Variants in ABI2 observed in about 807,000 individuals in gnomAD.
ABI2 encodes the protein abl interactor 2, also known as abelson interactor 2.
ABI2 carries 25 observed loss-of-function variants against 59.2 expected under a neutral mutation model. That is an observed-to-expected ratio of 0.42 (90% CI 0.31 to 0.59). ABI2 has a LOEUF of 0.59. ABI2 is among the 20% of genes least tolerant of loss of function. The pLI is 0.14. For missense variants in ABI2, 545 were observed against 681.8 expected, an observed-to-expected ratio of 0.80 and a Z score of 2.23; for synonymous variants, 213 against 235.5, an observed-to-expected ratio of 0.90 and a Z score of 0.87.
rs374109025 is a variant in ABI2 at position 203,359,211 on chromosome 2, C to T, written c.118-7666C>T. 3.3e-5 allele frequency among the ~76,000 whole-genome samples: 5 copies of T among 152,250 alleles called. No homozygotes were observed. In the East Asian group the frequency reaches 5.8e-4, roughly 18 times the overall value. ...ATGCTTCTGAGACAAATGTGATCTG[C>T]TATGACAGATTAAGGTTTTTTTAAA... On this transcript the variant is annotated intron_variant, in intron 1 of 11. Coordinates refer to ENST00000261018, the MANE Select transcript of ABI2 (RefSeq NM_001375670.1).
chr2:203,366,571 C>T (rs1342007994), intron 1 of ABI2, among the ~76,000 whole-genome samples: 1 of 152,102 alleles, frequency 6.6e-6, no homozygotes, highest in Non-Finnish European at 1.5e-5. Context: ...GCTACCTTTC[C>T]AAGCAATATA....
intron 2 of ABI2, among the ~76,000 whole-genome samples, chr2:203,369,707 T>C (rs962903728): frequency 6.6e-6 from 1 of 152,196 alleles, no homozygotes; most frequent in East Asian, 1.9e-4. Flanking sequence ...CGAACCTTCT[T>C]TTTTCAGAGT....
Position 203,411,437 on chromosome 2 carries a change from T to C in ABI2, c.1279+66T>C. On this transcript the variant is annotated intron_variant, in intron 10 of 11. Transcript: ENST00000261018. Reference sequence around the variant, plus strand: ...GCATAAAATGTCATTTATATGTGATTGACTGGATAGTCATTCATTTGCTGA... The same window carrying C: ...GCATAAAATGTCATTTATATGTGATCGACTGGATAGTCATTCATTTGCTGA... The C allele has an allele frequency of 3.2e-6, 4 of 1,239,318 alleles. No homozygotes were observed. In the Admixed American group the frequency reaches 7.2e-5, roughly 22 times the overall value. The allele number at this position is 1,239,318 out of a possible 1,614,324, so 76.8% of individuals were successfully genotyped here.
chr2:203,402,693 A>C lies in ABI2; in HGVS notation c.1151A>C (p.Gln384Pro). 6.2e-7 allele frequency: 1 copy of C among 1,606,654 alleles called. No homozygotes were observed. The highest frequency in any genetic ancestry group is 2.2e-5 in the East Asian group (1 of 44,530). Residue 384 changes from glutamine to proline, a missense_variant, in exon 9 of 12, where the codon CAG (glutamine) becomes CCG (proline). Physicochemically the swap from Gln to Pro is moderately conservative, Grantham distance 76. Around this residue, in one of 4 missense-constraint regions of ABI2, gnomAD observed 410 missense variants for 435.6 expected, o/e 0.94. Coordinates refer to ENST00000261018, the MANE Select transcript of ABI2 (RefSeq NM_001375670.1). Reference sequence around the variant, plus strand: ...TCCATTACTTCACAAACAAGCCTTCAGAATCAGATGAATGGAGGACCTTTT... The same window carrying C: ...TCCATTACTTCACAAACAAGCCTTCCGAATCAGATGAATGGAGGACCTTTT... ...PPSITSQTSL[Q>P]NQMNGGPFYS...
In ABI2 at chr2:203,402,677, T is replaced by A. The variant is rs2097269309; in HGVS notation, c.1135T>A (p.Ser379Thr). ...CTATAGACGCCCTCCTTCCATTACT[T>A]CACAAACAAGCCTTCAGAATCAGAT... Reference protein sequence around the residue: ...LPYRRPPSITSQTSLQNQMNG... With the variant: ...LPYRRPPSITTQTSLQNQMNG... The change falls in exon 9 of 12, where the codon TCA becomes ACA. Residue 379 changes from serine to threonine, a missense_variant. Ser to Thr is a moderately conservative substitution (Grantham distance 58, BLOSUM62 1). Transcript: ENST00000261018. The A allele has an allele frequency of 1.2e-6, 2 of 1,607,366 alleles. No homozygotes were observed. Among genetic ancestry groups the A allele is most frequent in the East Asian group, 4.5e-5 (2 of 44,496 alleles).
intron 1 of ABI2, among the ~76,000 whole-genome samples, chr2:203,331,348 C>CTTTTTTTT (rs201209202): frequency 0.033 from 2,841 of 85,278 alleles, 175 homozygotes; most frequent in East Asian, 0.046. Flanking sequence ...TCAATTTAGC[C>CTTTTTTTT]TTTTTTTTTT....
chr2:203,399,032 C>G (rs1291154794), intron 8 of ABI2, among the ~76,000 whole-genome samples: 1 of 151,902 alleles, frequency 6.6e-6, no homozygotes. Flanking sequence ...TTTTTTTGTG[C>G]ACATGGGTTT....
At chr2:203,337,286 G>A (rs772270370) in intron 1 of ABI2, among the ~76,000 whole-genome samples, 4 of 152,122 alleles carry the variant, frequency 2.6e-5, no homozygotes, top group African/African-American at 7.2e-5. Context: ...ATTAATTAAC[G>A]AATTTAGTAA....
chr2:203,354,807 C>T (rs142765468), intron 1 of ABI2, among the ~76,000 whole-genome samples: 60 of 152,270 alleles, frequency 3.9e-4, no homozygotes, highest in African/African-American at 1.3e-3. Context: ...GTAAACATGC[C>T]TGCCCTTTGC....
chr2:203,400,530 CTAAA>C (rs2153435898), intron 8 of ABI2, among the ~76,000 whole-genome samples: 1 of 152,322 alleles, frequency 6.6e-6, no homozygotes, highest in South Asian at 2.1e-4. Context: ...GTTCAAATAA[CTAAA>C]TATGCCTTTT....
intron 4 of ABI2, among the ~76,000 whole-genome samples, chr2:203,385,239 C>T (rs1267864446): frequency 6.7e-6 from 1 of 150,252 alleles, no homozygotes; most frequent in African/African-American, 2.5e-5. Context: ...TCACGCCATT[C>T]TCCTGCCTCA....
intron 1 of ABI2, among the ~76,000 whole-genome samples, chr2:203,344,475 T>TA (rs567477770): frequency 3.9e-4 from 59 of 152,188 alleles, no homozygotes; most frequent in African/African-American, 1.4e-3. Flanking sequence ...AAGCGATTCT[T>TA]CTGCCTTAGC....
intron 9 of ABI2, among the ~76,000 whole-genome samples, chr2:203,407,316 A>G (rs2097468183): frequency 6.6e-6 from 1 of 152,240 alleles, no homozygotes; most frequent in African/African-American, 2.4e-5. Flanking sequence ...TCACTGGGAA[A>G]AAAACATAAG....
intron 1 of ABI2, among the ~76,000 whole-genome samples, chr2:203,338,953 TA>T (rs2077993760): frequency 1.1e-4 from 1 of 9,246 alleles, no homozygotes; most frequent in African/African-American, 3.2e-4. Flanking sequence ...TATATATATA[TA>T]TATATATAAA....
At chr2:203,418,130 T>TGTGA (rs1367339756) in intron 11 of ABI2, among the ~76,000 whole-genome samples, 11 of 152,120 alleles carry the variant, frequency 7.2e-5, no homozygotes, top group Admixed American at 7.2e-4. Context: ...CAACAGATAA[T>TGTGA]GTGAGACAAG....
At chr2:203,353,915 T>C (rs2090435666) in intron 1 of ABI2, among the ~76,000 whole-genome samples, 2 of 152,220 alleles carry the variant, frequency 1.3e-5, no homozygotes. Context: ...ATATGGTAAC[T>C]TAGCTTTCTT....
intron 1 of ABI2, among the ~76,000 whole-genome samples, chr2:203,362,532 T>C (rs1343132925): frequency 6.6e-6 from 1 of 152,112 alleles, no homozygotes; most frequent in Non-Finnish European, 1.5e-5. Flanking sequence ...TTTTATTTTA[T>C]TTATTTATTT....
intron 11 of ABI2, 96 bp from the exon 12 acceptor site, chr2:203,427,081 C>A: frequency 9.2e-7 from 1 of 1,092,220 alleles, no homozygotes; most frequent in Non-Finnish European, 1.3e-6. Context: ...TTGAGTGCTA[C>A]AGGATTTGGG....
At chr2:203,362,382 T>C (rs1016378262) in intron 1 of ABI2, among the ~76,000 whole-genome samples, 2 of 152,240 alleles carry the variant, frequency 1.3e-5, no homozygotes, top group Non-Finnish European at 2.9e-5. Context: ...TATAAGGTCA[T>C]GTTGTTTGGA....
Sources: allele counts gnomAD v4.1 joint callset (sites outside exome capture counted in the v4.1 genomes callset), GRCh38; gene constraint gnomAD v4.1.1; regional missense constraint gnomAD v4.1.1; transcripts MANE v1.5; gene names NCBI Gene and HGNC (gene_info 2026-07-23, HGNC 2026-07-21).